Variants in RBFOX1 observed in about 807,000 individuals in gnomAD.
The protein encoded by RBFOX1 is RNA binding fox-1 homolog 1.
In RBFOX1, 8 loss-of-function variants were observed where a neutral mutation model predicts 57.7. The observed-to-expected ratio is 0.14, with a 90% confidence interval of 0.08 to 0.25. The LOEUF (loss-of-function observed/expected upper bound fraction) is 0.25. Among genes scored for constraint, RBFOX1 ranks in the 10% least tolerant of loss-of-function variants. RBFOX1 has a pLI of 1.00. For synonymous variants in RBFOX1, 326 were observed against 222.4 expected, an observed-to-expected ratio of 1.47 and a Z score of -4.15; for missense variants, 611 against 548.5, an observed-to-expected ratio of 1.11 and a Z score of -1.14.
intron 4 of RBFOX1, among the ~76,000 whole-genome samples, chr16:7,109,858 C>G (rs752617): frequency 0.016 from 2,468 of 152,178 alleles, 72 homozygotes; most frequent in African/African-American, 0.055. Context: ...GTGCTAGGAC[C>G]AGGTCACTAG....
At chr16:5,556,116 G>A (rs149905130) in intron 2 of RBFOX1, among the ~76,000 whole-genome samples, 56 of 152,310 alleles carry the variant, frequency 3.7e-4, no homozygotes, top group African/African-American at 1.2e-3. Flanking sequence ...CTAAGCCAGC[G>A]TGTTAGAATT....
chr16:7,444,583 A>G (rs2098794326), intron 4 of RBFOX1, among the ~76,000 whole-genome samples: 1 of 152,048 alleles, frequency 6.6e-6, no homozygotes, highest in Non-Finnish European at 1.5e-5. Context: ...CCCAAGCTAG[A>G]CTGCAGTGGC....
At chr16:6,681,628 C>T (rs1159118978) in intron 3 of RBFOX1, among the ~76,000 whole-genome samples, 4 of 147,284 alleles carry the variant, frequency 2.7e-5, no homozygotes, top group East Asian at 2.0e-4. Context: ...TAAGCAATAA[C>T]ATATAATCAC....
At chr16:7,256,451 C>T (rs2094687795) in intron 4 of RBFOX1, among the ~76,000 whole-genome samples, 1 of 152,168 alleles carries the variant, frequency 6.6e-6, no homozygotes, top group Non-Finnish European at 1.5e-5. Flanking sequence ...TCTTTTATGG[C>T]ATTATTGCTG....
chr16:7,602,383 T>TG (rs1197211059), intron 9 of RBFOX1, among the ~76,000 whole-genome samples: 15 of 152,060 alleles, frequency 9.9e-5, no homozygotes, highest in Non-Finnish European at 2.1e-4. Flanking sequence ...GTTGTGGGGC[T>TG]GGGGGGGCCC....
intron 2 of RBFOX1, among the ~76,000 whole-genome samples, chr16:6,441,439 G>A (rs572407940): frequency 4.6e-5 from 7 of 151,190 alleles, no homozygotes; most frequent in South Asian, 4.2e-4. Context: ...TTTTTGAGAC[G>A]GAGTTTTGCT....
intron 2 of RBFOX1, among the ~76,000 whole-genome samples, chr16:6,336,491 G>A (rs989774929): frequency 3.3e-5 from 5 of 152,054 alleles, no homozygotes; most frequent in Admixed American, 2.0e-4. Context: ...TTGAACTTCA[G>A]CATTCTTCCT....
intron 3 of RBFOX1, among the ~76,000 whole-genome samples, chr16:6,673,264 C>T (rs2098779129): frequency 6.6e-6 from 1 of 152,128 alleles, no homozygotes; most frequent in Admixed American, 6.6e-5. Context: ...CCTCATATCC[C>T]TGTACGAAGT....
At chr16:6,030,742 C>A (rs750616373) in intron 1 of RBFOX1, among the ~76,000 whole-genome samples, 3 of 152,134 alleles carry the variant, frequency 2.0e-5, no homozygotes, top group Non-Finnish European at 4.4e-5. Flanking sequence ...AATTTTGAGT[C>A]CCAACAGTGC....
At chr16:7,403,478 T>C (rs2148862779) in intron 4 of RBFOX1, among the ~76,000 whole-genome samples, 1 of 152,234 alleles carries the variant, frequency 6.6e-6, no homozygotes, top group Non-Finnish European at 1.5e-5. Flanking sequence ...AGTGAGATCT[T>C]ACAGCGTTTG....
At chr16:6,810,774 G>C (rs942050533) in intron 3 of RBFOX1, among the ~76,000 whole-genome samples, 4 of 152,070 alleles carry the variant, frequency 2.6e-5, no homozygotes, top group Non-Finnish European at 5.9e-5. Context: ...AGAGAACTGC[G>C]TCATAAAACC....
intron 15 of RBFOX1, chr16:7,710,046 A>C: frequency 1.0e-6 from 1 of 1,002,702 alleles, no homozygotes; most frequent in South Asian, 4.4e-5. Context: ...CAGTTCACTG[A>C]AGCTCAGTCA....
chr16:6,440,219 G>A (rs1399509661), intron 2 of RBFOX1, among the ~76,000 whole-genome samples: 4 of 152,118 alleles, frequency 2.6e-5, no homozygotes, highest in Non-Finnish European at 5.9e-5. Context: ...ACAGGCGTGA[G>A]CCTTAGGTGG....
rs138604209 is a variant in RBFOX1, at chr16:6,788,445, A to AT, written c.-16+133805dup. ...TGCTTTGGACACAGGTGCTGCACTG[A>AT]TTTTTTTTTTATTATTATTTATTTA... On this transcript the variant is annotated intron_variant, in intron 3 of 15. Coordinates refer to ENST00000550418, the MANE Select transcript of RBFOX1 (RefSeq NM_018723.4). Among the ~76,000 whole-genome samples the AT allele has an allele frequency of 1.0e-3, 153 of 148,704 alleles. 2 individuals are homozygous for AT. The highest frequency in any genetic ancestry group is 3.2e-3 in the East Asian group (16 of 5,052).
intron 4 of RBFOX1, among the ~76,000 whole-genome samples, chr16:7,106,927 C>G (rs761503714): frequency 6.6e-6 from 1 of 151,600 alleles, no homozygotes; most frequent in Non-Finnish European, 1.5e-5. Context: ...ACAAGGAGGA[C>G]ATGGACACGT....
At chr16:6,911,435 G>T (rs1188485769) in intron 3 of RBFOX1, among the ~76,000 whole-genome samples, 1 of 152,134 alleles carries the variant, frequency 6.6e-6, no homozygotes, top group Admixed American at 6.5e-5. Flanking sequence ...GGCAACGCAT[G>T]GTGCTGCTTG....
intron 1 of RBFOX1, among the ~76,000 whole-genome samples, chr16:6,151,120 A>G (rs1449598642): frequency 6.6e-6 from 1 of 152,162 alleles, no homozygotes; most frequent in Non-Finnish European, 1.5e-5. Flanking sequence ...TCATCCCTCC[A>G]TAAATACATA....
At chr16:5,815,406 C>G (rs1485031789) in intron 3 of RBFOX1, among the ~76,000 whole-genome samples, 7 of 152,114 alleles carry the variant, frequency 4.6e-5, no homozygotes, top group Admixed American at 4.6e-4. Context: ...GGCCTGACTT[C>G]AGATCCCATG....
chr16:6,043,599 G>C (rs2095465125), intron 1 of RBFOX1, among the ~76,000 whole-genome samples: 1 of 152,194 alleles, frequency 6.6e-6, no homozygotes, highest in Non-Finnish European at 1.5e-5. Flanking sequence ...CCTCCCTTTT[G>C]GCGATGGCCA....
Sources: allele counts gnomAD v4.1 joint callset (sites outside exome capture counted in the v4.1 genomes callset), GRCh38; gene constraint gnomAD v4.1.1; transcripts MANE v1.5; gene names NCBI Gene and HGNC (gene_info 2026-07-23, HGNC 2026-07-21).